The following MASP2 variants were observed in gnomAD, a reference collection of about 807,000 sequenced individuals.
The protein encoded by MASP2 is mannan-binding lectin serine protease 2.
In MASP2, 49 loss-of-function variants were observed where a neutral mutation model predicts 57.1. The observed-to-expected ratio is 0.86, with a 90% CI of 0.68 to 1.09. The LOEUF is 1.09. MASP2 is among the 50% of genes least tolerant of loss of function. The probability of loss-of-function intolerance (pLI) is 0.00; values close to 1 mark genes in which losing one functional copy is unlikely to be tolerated. For missense variants in MASP2, 900 were observed against 874.8 expected (o/e 1.03, Z -0.36); for synonymous variants, 379 against 340.8 (o/e 1.11, Z -1.24).
rs374262376 is a variant in MASP2 at position 11,045,382 on chromosome 1, G to T, written c.544+26C>A. ...CCCCGGGTATCCCAGGAGAGGGTGC[G>T]TTGGGGCCCAGGCAGCCTCCCTCAC... On this transcript the variant is annotated intron_variant, in intron 4 of 10. Transcript: ENST00000400897. 2.2e-5 allele frequency: 36 copies of T among 1,612,150 alleles called. No individual in the cohort carries two copies. The South Asian group carries it at 3.6e-4, about 16-fold the overall frequency.
intron 10 of MASP2, among the ~76,000 whole-genome samples, chr1:11,027,994 G>A (rs975744973): frequency 6.6e-6 from 1 of 152,182 alleles, no homozygotes; most frequent in African/African-American, 2.4e-5. Context: ...GGCTGAGATG[G>A]GTGGATCACC....
chr1:11,035,868 C>T (rs1270242721), intron 7 of MASP2, among the ~76,000 whole-genome samples: 1 of 144,972 alleles, frequency 6.9e-6, no homozygotes, highest in Non-Finnish European at 1.5e-5. Flanking sequence ...TGCACTCCAG[C>T]CTGGGTGACA....
Position 11,043,005 on chromosome 1 carries a change from T to TTC in MASP2, c.757_758dup (p.Glu254LysfsTer22), listed in dbSNP as rs1462207557. ...TCTTCCCACAGAATGGGCCATGTTCTTCTCTGTCTGTTTGAATCTGAGAAA... is the reference window on the plus strand; with the variant it reads ...TCTTCCCACAGAATGGGCCATGTTCTTCTCTCTGTCTGTTTGAATCTGAGAAA... On this transcript the variant is annotated frameshift_variant, in exon 6 of 11. Transcript: ENST00000400897. LOFTEE classifies it high-confidence loss of function. The TTC allele has an allele frequency of 6.2e-7, 1 of 1,613,802 alleles. No homozygotes were observed. Among genetic ancestry groups the TTC allele is most frequent in the Non-Finnish European group, 8.5e-7 (1 of 1,179,888 alleles).
intron 5 of MASP2, 81 bp from the exon 6 acceptor site, chr1:11,043,103 C>A: frequency 6.7e-7 from 1 of 1,490,570 alleles, no homozygotes; most frequent in Non-Finnish European, 9.2e-7. Context: ...ACCTCCTCAG[C>A]ATTTCAGGGA....
At position 11,030,218 on chromosome 1, in the gene MASP2, T is replaced by G; in HGVS notation, c.1255A>C (p.Thr419Pro). 1 of 1,613,876 alleles carries G rather than the reference T, an allele frequency of 6.2e-7. No individual in the cohort carries two copies. Among genetic ancestry groups the G allele is most frequent in the South Asian group, 1.1e-5 (1 of 91,038 alleles). The change falls in exon 10 of 11, where the codon ACG (threonine) becomes CCG (proline). Residue 419 changes from threonine (T) to proline (P), a missense_variant. Transcript: ENST00000400897. ...KYVCEADGFW[T>P]SSKGEKSLPV... ...AGTGATTTTTCTCCTTTGGAGCTCGTCCAGAATCCATCAGCCTCACACACA... is the reference window on the plus strand; with the variant it reads ...AGTGATTTTTCTCCTTTGGAGCTCGGCCAGAATCCATCAGCCTCACACACA...
At chr1:11,034,714 AGG>A (rs1331767463) in intron 8 of MASP2, 112 bp downstream of exon 8, 2 of 700,236 alleles carry the variant, frequency 2.9e-6, no homozygotes, top group African/African-American at 1.9e-5. Flanking sequence ...AAAAAAAAAA[AGG>A]GAAAGAAAAA....
intron 6 of MASP2, among the ~76,000 whole-genome samples, chr1:11,039,274 G>A (rs77899307): frequency 0.027 from 4,153 of 152,248 alleles, 184 homozygotes; most frequent in African/African-American, 0.094. Flanking sequence ...TGGCTTCCAC[G>A]TTACATATCC....
At chr1:11,028,297 AT>A (rs1374055101) in intron 10 of MASP2, among the ~76,000 whole-genome samples, 5 of 152,210 alleles carry the variant, frequency 3.3e-5, no homozygotes, top group African/African-American at 1.2e-4. Context: ...GTGCATAGGA[AT>A]TAGAAGGATA....
Position 11,043,339 on chromosome 1 carries a change from C to T in MASP2, c.741G>A (p.Lys247=). The change falls in exon 5 of 11, where the codon AAG becomes AAA. Residue 247 remains lysine, a splice_region_variant and synonymous_variant. Coordinates refer to ENST00000400897, the MANE Select transcript of MASP2 (RefSeq NM_006610.4). The part of the protein sequence containing the change: ...PETLCPYDFL[K]IQTDREEHGP... The stretch of plus-strand genomic sequence containing the variant: ...AAGATGAGGGGCCCAGGAGCCAGAC[C>T]TTGAGAAAGTCGTAGGGACACAGGG... The T allele has an allele frequency of 6.2e-7, 1 of 1,603,682 alleles. No homozygotes were observed. Among genetic ancestry groups the T allele is most frequent in the Non-Finnish European group, 8.5e-7 (1 of 1,175,226 alleles).
At chr1:11,034,093 C>T (rs1454207472) in intron 8 of MASP2, among the ~76,000 whole-genome samples, 2 of 151,538 alleles carry the variant, frequency 1.3e-5, no homozygotes, top group Non-Finnish European at 2.9e-5. Context: ...CAAAAATTAG[C>T]CGGGTGTAGT....
intron 7 of MASP2, among the ~76,000 whole-genome samples, chr1:11,037,381 G>A (rs1368263832): frequency 6.6e-6 from 1 of 152,082 alleles, no homozygotes; most frequent in Admixed American, 6.6e-5. Context: ...GAGCCACCGC[G>A]CCTGGCCAAG....
intron 6 of MASP2, among the ~76,000 whole-genome samples, chr1:11,040,553 G>C (rs202029978): frequency 6.6e-5 from 10 of 151,532 alleles, no homozygotes; most frequent in African/African-American, 2.4e-4. Flanking sequence ...GGATGGGTGG[G>C]TGGATGGATG....
intron 7 of MASP2, among the ~76,000 whole-genome samples, chr1:11,035,435 G>A (rs546513810): frequency 6.6e-6 from 1 of 152,172 alleles, no homozygotes; most frequent in South Asian, 2.1e-4. Flanking sequence ...GTTGAGGCAG[G>A]AGAATTGCTT....
intron 6 of MASP2, 141 bp downstream of exon 6, chr1:11,042,734 C>T: frequency 3.2e-6 from 3 of 942,324 alleles, no homozygotes; most frequent in Non-Finnish European, 4.7e-6. Flanking sequence ...AGACTGCTGC[C>T]TCAGACCTCA....
chr1:11,033,395 A>G (rs536335534), intron 8 of MASP2, among the ~76,000 whole-genome samples: 3 of 152,206 alleles, frequency 2.0e-5, no homozygotes, highest in Admixed American at 6.6e-5. Context: ...CTGTACTACT[A>G]GCGCTTTGGG....
At chr1:11,046,800 T>A in intron 2 of MASP2, 67 bp from the exon 3 acceptor site, 2 of 1,561,044 alleles carry the variant, frequency 1.3e-6, no homozygotes, top group South Asian at 2.3e-5. Context: ...TGGCCAAGCC[T>A]GGCCCCTGCT....
intron 10 of MASP2, among the ~76,000 whole-genome samples, chr1:11,028,212 C>T (rs1442631280): frequency 6.6e-6 from 1 of 150,724 alleles, no homozygotes; most frequent in Non-Finnish European, 1.5e-5. Flanking sequence ...AGCAAAACTC[C>T]ATCTCAAAAA....
chr1:11,027,473 A>G lies in MASP2; in HGVS notation c.1473T>C (p.Asp491=). The change falls in exon 11 of 11, where the codon GAT becomes GAC. Residue 491 remains aspartate (D), a synonymous_variant. Transcript: ENST00000400897. ...CCATTCGAATGTCCAGGGCGGATGC[A>G]TCATGTTTTTGCTCATAGACGGCAT... ...AAHAVYEQKH[D]ASALDIRMGT... The G allele has an allele frequency of 1.2e-6, 2 of 1,614,156 alleles. No individual in the cohort carries two copies. Among genetic ancestry groups the G allele is most frequent in the Non-Finnish European group, 1.7e-6 (2 of 1,180,024 alleles).
chr1:11,041,718 G>T, intron 6 of MASP2, among the ~76,000 whole-genome samples: 1 of 148,948 alleles, frequency 6.7e-6, no homozygotes, highest in Non-Finnish European at 1.5e-5. Context: ...TGGGTGAATG[G>T]ATGGATGGAT....
Sources: gnomAD v4.1 joint callset for allele counts (sites outside exome capture counted in the v4.1 genomes callset) on GRCh38, gnomAD v4.1.1 for gene constraint, MANE v1.5 for transcripts, NCBI Gene and HGNC (gene_info 2026-07-23, HGNC 2026-07-21) for gene names.